LSAMP: variants seen among roughly 807,000 people sequenced by gnomAD.
The protein encoded by LSAMP is limbic system-associated membrane protein.
A neutral mutation model predicts 38.6 loss-of-function variants in LSAMP; 7 were observed. The observed-to-expected ratio is 0.18, with a 90% CI of 0.10 to 0.34. LSAMP has a LOEUF of 0.34. LSAMP is among the 10% of genes least tolerant of loss of function. The pLI, the probability that LSAMP is intolerant of heterozygous loss-of-function variation, is 1.00. For missense variants in LSAMP, 313 were observed against 420.0 expected (o/e 0.75, Z 2.23); for synonymous variants, 154 against 166.8 (o/e 0.92, Z 0.59).
At chr3:116,163,663 C>T (rs1200769559) in intron 1 of LSAMP, among the ~76,000 whole-genome samples, 17 of 151,992 alleles carry the variant, frequency 1.1e-4, no homozygotes, top group African/African-American at 1.9e-4. Flanking sequence ...CTGAATTCCA[C>T]GATGGTTGAA....
chr3:115,900,507 C>T (rs1425822286), intron 3 of LSAMP, among the ~76,000 whole-genome samples: 2 of 110,538 alleles, frequency 1.8e-5, no homozygotes, highest in African/African-American at 3.7e-5. Context: ...TAGAGTGAGA[C>T]TGTCCAAAAA....
At chr3:116,043,651 A>T (rs1392276222) in intron 2 of LSAMP, among the ~76,000 whole-genome samples, 3 of 152,250 alleles carry the variant, frequency 2.0e-5, no homozygotes, top group South Asian at 2.1e-4. Context: ...AAATGAAAAT[A>T]AAAAAATATT....
intron 1 of LSAMP, among the ~76,000 whole-genome samples, chr3:116,407,795 G>A (rs1389845778): frequency 6.6e-6 from 1 of 152,048 alleles, no homozygotes; most frequent in Admixed American, 6.6e-5. Context: ...AGCTTCCCAT[G>A]TGGCCACTGA....
At chr3:115,861,221 ACACACCATATAGGAAACATGATG>A (rs1935691176) in intron 3 of LSAMP, among the ~76,000 whole-genome samples, 1 of 139,732 alleles carries the variant, frequency 7.2e-6, no homozygotes, top group African/African-American at 2.7e-5. Flanking sequence ...CTTCCTCCCT[ACACACCATATAGGAAACATGATG>A]TGTAAGCATA....
At chr3:116,236,202 T>C (rs756986314) in intron 1 of LSAMP, among the ~76,000 whole-genome samples, 1 of 152,130 alleles carries the variant, frequency 6.6e-6, no homozygotes. Flanking sequence ...TCTAAAATCA[T>C]GATTTGCTTA....
chr3:116,372,338 T>C (rs1487126395), intron 1 of LSAMP, among the ~76,000 whole-genome samples: 1 of 152,008 alleles, frequency 6.6e-6, no homozygotes, highest in Non-Finnish European at 1.5e-5. Flanking sequence ...TATTAACAAA[T>C]GGTGCTGGGA....
chr3:115,908,312 A>T (rs1288475968), intron 3 of LSAMP, among the ~76,000 whole-genome samples: 1 of 152,086 alleles, frequency 6.6e-6, no homozygotes, highest in Admixed American at 6.6e-5. Flanking sequence ...TTTACCCTAA[A>T]CTTTACAAAA....
intron 1 of LSAMP, among the ~76,000 whole-genome samples, chr3:116,211,986 G>T (rs1407471792): frequency 6.6e-6 from 1 of 152,134 alleles, no homozygotes; most frequent in Non-Finnish European, 1.5e-5. Context: ...TTCCATTCAT[G>T]TAACAGAAGA....
chr3:115,810,346 A>G lies in LSAMP; in HGVS notation c.988T>C (p.Ser330Pro). Residue 330 changes from serine (S) to proline (P), a missense_variant, in exon 7 of 7, where the codon TCT becomes CCT. Coordinates refer to ENST00000490035, the MANE Select transcript of LSAMP (RefSeq NM_002338.5). ...LAVPLWLLAA[S>P]LLCLLSKC ...CATTTGCTGAGAAGGCAGAGCAGAG[A>G]TGCTGCCAGCAGCCACAGTGGTACG... The G allele has an allele frequency of 6.2e-7, 1 of 1,613,526 alleles. No individual in the cohort carries two copies. Among genetic ancestry groups the G allele is most frequent in the Non-Finnish European group, 8.5e-7 (1 of 1,179,648 alleles).
At chr3:116,085,712 C>G (rs151332633) in intron 2 of LSAMP, among the ~76,000 whole-genome samples, 28 of 152,192 alleles carry the variant, frequency 1.8e-4, no homozygotes, top group African/African-American at 6.5e-4. Flanking sequence ...TCAGATGTGC[C>G]CTTAGATCCC....
At chr3:115,988,294 C>T (rs1272589653) in intron 3 of LSAMP, among the ~76,000 whole-genome samples, 2 of 152,028 alleles carry the variant, frequency 1.3e-5, no homozygotes, top group Non-Finnish European at 2.9e-5. Context: ...ACTCTTTTTA[C>T]ATAGTGTTTA....
At chr3:116,203,183 C>A (rs575708757) in intron 1 of LSAMP, among the ~76,000 whole-genome samples, 31 of 152,052 alleles carry the variant, frequency 2.0e-4, no homozygotes, top group Non-Finnish European at 3.5e-4. Context: ...ATATTGAGCA[C>A]GTTTGTCTTA....
chr3:116,206,314 C>T, intron 1 of LSAMP, among the ~76,000 whole-genome samples: 4 of 147,426 alleles, frequency 2.7e-5, no homozygotes, highest in South Asian at 2.2e-4. Flanking sequence ...ATTAGTCTTG[C>T]TAGCGGTCTA....
chr3:115,990,959 A>C (rs1939649311), intron 3 of LSAMP, among the ~76,000 whole-genome samples: 1 of 152,086 alleles, frequency 6.6e-6, no homozygotes, highest in Admixed American at 6.6e-5. Context: ...CATTTTGAGA[A>C]ATATTGTGCA....
chr3:116,032,282 G>A (rs1576320662), intron 2 of LSAMP, among the ~76,000 whole-genome samples: 1 of 152,186 alleles, frequency 6.6e-6, no homozygotes, highest in East Asian at 1.9e-4. Context: ...AGTTTGCAAA[G>A]CACTGGTATA....
At chr3:116,442,613 G>A (rs1343991259) in intron 1 of LSAMP, among the ~76,000 whole-genome samples, 2 of 152,140 alleles carry the variant, frequency 1.3e-5, no homozygotes, top group Non-Finnish European at 2.9e-5. Flanking sequence ...TAATTCTGAT[G>A]AAGCTCCACC....
intron 3 of LSAMP, among the ~76,000 whole-genome samples, chr3:115,976,069 A>G (rs1366651041): frequency 6.6e-6 from 1 of 152,198 alleles, no homozygotes; most frequent in African/African-American, 2.4e-5. Context: ...ACACCACTCC[A>G]GGAGGCAATT....
rs963795479 is a variant in LSAMP, at chr3:116,265,266, T to A, written c.156-178710A>T. Among the ~76,000 whole-genome samples, 7 of 152,276 alleles carry A rather than the reference T, an allele frequency of 4.6e-5. No homozygotes were observed. The East Asian group carries it at 1.4e-3, about 29-fold the overall frequency. Reference sequence around the variant, plus strand: ...AGGGTCACTTAGAGAGAGGCTAAGGTTCATGCTGGAATTGTTTTTAATTGG... The same window carrying A: ...AGGGTCACTTAGAGAGAGGCTAAGGATCATGCTGGAATTGTTTTTAATTGG... On this transcript the variant is annotated intron_variant, in intron 1 of 6. Coordinates refer to ENST00000490035, the MANE Select transcript of LSAMP (RefSeq NM_002338.5).
chr3:116,158,046 T>C (rs992639162), intron 1 of LSAMP, among the ~76,000 whole-genome samples: 1 of 152,062 alleles, frequency 6.6e-6, no homozygotes, highest in African/African-American at 2.4e-5. Context: ...CAAAGTTGGT[T>C]CAACATACAC....
Sources: allele counts gnomAD v4.1 joint callset (sites outside exome capture counted in the v4.1 genomes callset), GRCh38; gene constraint gnomAD v4.1.1; transcripts MANE v1.5; gene names NCBI Gene and HGNC (gene_info 2026-07-23, HGNC 2026-07-21).